The following NCOA4 variants were observed in gnomAD, a reference collection of about 807,000 sequenced individuals.
NCOA4 encodes 70 kDa AR-activator.
NCOA4 carries 31 observed loss-of-function variants against 69.5 expected under a neutral mutation model. The observed-to-expected ratio is 0.45, with a 90% CI of 0.34 to 0.60. The LOEUF (loss-of-function observed/expected upper bound fraction) is 0.60, where lower values mean the gene tolerates loss of function less well. Ranked by LOEUF, NCOA4 falls within the 20% of genes least tolerant of loss-of-function variation. The pLI is 0.02. For synonymous variants in NCOA4, 228 were observed against 252.4 expected, an observed-to-expected ratio of 0.90 and a Z score of 0.92; for missense variants, 600 against 719.2, an observed-to-expected ratio of 0.83 and a Z score of 1.90.
intron 1 of NCOA4, among the ~76,000 whole-genome samples, chr10:46,028,828 T>C (rs782718999): frequency 6.6e-6 from 1 of 152,056 alleles, no homozygotes; most frequent in Non-Finnish European, 1.5e-5. Context: ...AAAATACTAA[T>C]TCTTTGAAAT....
In NCOA4 at chr10:46,014,429, T is replaced by C. The variant is rs1039350595; in HGVS notation, c.480+15A>G. The stretch of plus-strand genomic sequence containing the variant: ...GATATGAGAAGTGCCCAGTGAAGCA[T>C]ATGAGATTACTCACAATGGTTTTGA... On this transcript the variant is annotated intron_variant, in intron 5 of 9. Transcript: ENST00000581486. The C allele has an allele frequency of 1.3e-6, 2 of 1,562,040 alleles. No individual in the cohort carries two copies. Among genetic ancestry groups the C allele is most frequent in the Non-Finnish European group, 8.8e-7 (1 of 1,134,546 alleles).
intron 1 of NCOA4, chr10:46,019,446 C>G (rs555413036): frequency 1.0e-6 from 1 of 985,438 alleles, no homozygotes; most frequent in East Asian, 1.1e-4. Context: ...TGTTACCCAG[C>G]CTTCTTCACC....
chr10:46,025,694 C>G (rs1189988391), intron 1 of NCOA4, among the ~76,000 whole-genome samples: 1 of 152,236 alleles, frequency 6.6e-6, no homozygotes, highest in African/African-American at 2.4e-5. Flanking sequence ...AAAGCCTTTC[C>G]TGACTGAGCA....
rs34282889 is a variant in NCOA4 at position 46,027,268 on chromosome 10, C to CAAAAA, written c.-15+3253_-15+3257dup. On this transcript the variant is annotated intron_variant, in intron 1 of 9. Transcript: ENST00000581486. ...CTCCTGACAGAGCAAGACTCCGTCT[C>CAAAAA]AAAAAAAAAAAAAAAAAAAAGAATG... Among the ~76,000 whole-genome samples the CAAAAA allele has an allele frequency of 8.6e-4, 68 of 79,528 alleles. 1 individual carries two copies. In the East Asian group the frequency reaches 0.011, roughly 13 times the overall value. 52.2% of individuals were successfully genotyped at this position (79,528 alleles called of 152,430 possible). A position where few individuals can be genotyped will look rare whatever the true frequency, so the allele number is the denominator to read the frequency against.
intron 1 of NCOA4, among the ~76,000 whole-genome samples, chr10:46,022,199 A>G (rs782469291): frequency 1.1e-4 from 17 of 151,748 alleles, no homozygotes; most frequent in Non-Finnish European, 2.4e-4. Context: ...AAAGACCTCT[A>G]CTTTTTACTT....
intron 9 of NCOA4, among the ~76,000 whole-genome samples, chr10:46,007,927 G>A (rs191140574): frequency 6.6e-6 from 1 of 152,230 alleles, no homozygotes; most frequent in East Asian, 1.9e-4. Context: ...CAATCCTAGA[G>A]CCCTTGAGAA....
chr10:46,005,157 A>G lies in NCOA4; in HGVS notation c.*1435T>C, dbSNP rs2132298599. ...ATGCAAAAGAATGTTTTACATACTCATTAACATAGTGATTAATGTAAATTA... is the reference window on the plus strand; with the variant it reads ...ATGCAAAAGAATGTTTTACATACTCGTTAACATAGTGATTAATGTAAATTA... On this transcript the variant is annotated 3_prime_UTR_variant, in exon 10 of 10. Transcript: ENST00000581486. 1 of 197,092 alleles carries G rather than the reference A, an allele frequency of 5.1e-6. No homozygotes were observed. Among genetic ancestry groups the G allele is most frequent in the Non-Finnish European group, 1.1e-5 (1 of 94,860 alleles). 12.2% of individuals were successfully genotyped at this position (197,092 alleles called of 1,614,324 possible). A position where few individuals can be genotyped will look rare whatever the true frequency, so the allele number is the denominator to read the frequency against.
At chr10:46,007,342 G>A (rs1202711252) in intron 9 of NCOA4, among the ~76,000 whole-genome samples, 1 of 152,182 alleles carries the variant, frequency 6.6e-6, no homozygotes, top group African/African-American at 2.4e-5. Flanking sequence ...GTTGGTTCAT[G>A]AGGTTTAAGG....
intron 2 of NCOA4, among the ~76,000 whole-genome samples, chr10:46,015,843 T>C (rs1294947281): frequency 2.0e-5 from 3 of 152,150 alleles, no homozygotes; most frequent in Non-Finnish European, 4.4e-5. Context: ...ACCATTAGGG[T>C]AGACAATTTA....
At chr10:46,009,360 T>G (rs782123377) in intron 9 of NCOA4, 51 bp downstream of exon 9, 8 of 1,577,292 alleles carry the variant, frequency 5.1e-6, no homozygotes, top group Admixed American at 1.8e-5. Flanking sequence ...ACAAAACATT[T>G]ATTTTATAAA....
At chr10:46,017,811 G>A (rs1278977475) in intron 1 of NCOA4, among the ~76,000 whole-genome samples, 5 of 152,162 alleles carry the variant, frequency 3.3e-5, no homozygotes. Context: ...ACACATGAGT[G>A]TCAGTAAAGC....
rs1375970865 is a variant in NCOA4 at position 46,005,816 on chromosome 10, T to G, written c.*776A>C. ...TCCAACATGTCTTTTGCCTATTTGCTTAGTCGGTACTGGGGTTCTTTTAAG... is the reference window on the plus strand; with the variant it reads ...TCCAACATGTCTTTTGCCTATTTGCGTAGTCGGTACTGGGGTTCTTTTAAG... On this transcript the variant is annotated 3_prime_UTR_variant, in exon 10 of 10. Transcript: ENST00000581486. 3 of 209,770 alleles carry G rather than the reference T, an allele frequency of 1.4e-5. No individual in the cohort carries two copies. Among genetic ancestry groups the G allele is most frequent in the African/African-American group, 2.3e-5 (1 of 44,054 alleles). The allele number at this position is 209,770 out of a possible 1,614,324, so 13.0% of individuals were successfully genotyped here. A position where few individuals can be genotyped will look rare whatever the true frequency, so the allele number is the denominator to read the frequency against.
intron 5 of NCOA4, among the ~76,000 whole-genome samples, chr10:46,014,171 C>T (rs554947653): frequency 6.6e-5 from 10 of 152,170 alleles, no homozygotes; most frequent in East Asian, 1.9e-4. Flanking sequence ...GGATTATAGG[C>T]GCCCAGCTAA....
intron 1 of NCOA4, among the ~76,000 whole-genome samples, chr10:46,022,725 A>G (rs974672830): frequency 1.3e-5 from 2 of 152,136 alleles, no homozygotes; most frequent in East Asian, 1.9e-4. Context: ...TCGGCCTCCC[A>G]AAGTGCTGGG....
At chr10:46,027,590 A>G (rs1236818744) in intron 1 of NCOA4, 3 of 971,718 alleles carry the variant, frequency 3.1e-6, no homozygotes, top group Non-Finnish European at 4.6e-6. Flanking sequence ...ACTAAAAAGT[A>G]GCAAGAAGAG....
chr10:46,013,451 C>T (rs2132333574), intron 6 of NCOA4, 99 bp downstream of exon 6: 1 of 860,778 alleles, frequency 1.2e-6, no homozygotes, highest in Non-Finnish European at 1.8e-6. Context: ...CCACTGGTGC[C>T]TTTTTACAAA....
At position 46,011,069 on chromosome 10, in the gene NCOA4, T is replaced by C; in HGVS notation, c.852A>G (p.Glu284=). Residue 284 remains glutamate (E), a synonymous_variant, in exon 8 of 10, where the codon GAA becomes GAG. Coordinates refer to ENST00000581486, the MANE Select transcript of NCOA4 (RefSeq NM_001145263.2). ...GCTCTTGATCTCCAACCTTTTCCAT[T>C]TCAATGGAGAAAGAACTAGTAGTGG... ...SHSTTSSFSI[E]MEKVGDQELP... is the part of the protein sequence containing the mutation. 1 of 1,613,956 alleles carries C rather than the reference T, an allele frequency of 6.2e-7. No individual in the cohort carries two copies. The highest frequency in any genetic ancestry group is 2.2e-5 in the East Asian group (1 of 44,884).
intron 5 of NCOA4, 48 bp from the exon 6 acceptor site, chr10:46,013,687 A>G (rs782179800): frequency 3.0e-6 from 4 of 1,338,516 alleles, no homozygotes; most frequent in Non-Finnish European, 4.2e-6. Context: ...TATGCTGCCA[A>G]AAAAGTGAAA....
chr10:46,009,784 A>C (rs1839091477), intron 8 of NCOA4, among the ~76,000 whole-genome samples: 1 of 152,210 alleles, frequency 6.6e-6, no homozygotes, highest in African/African-American at 2.4e-5. Flanking sequence ...GAAAATGCAC[A>C]AAAAAATCAT....
Sources: gnomAD v4.1 joint callset for allele counts (sites outside exome capture counted in the v4.1 genomes callset) on GRCh38, gnomAD v4.1.1 for gene constraint, MANE v1.5 for transcripts, NCBI Gene and HGNC (gene_info 2026-07-23, HGNC 2026-07-21) for gene names.